The following SRSF11 variants were observed in gnomAD, a reference collection of about 807,000 sequenced individuals.
The protein encoded by SRSF11 is serine/arginine-rich splicing factor 11.
In SRSF11, 9 loss-of-function variants were observed where a neutral mutation model predicts 56.0. The ratio of observed to expected loss-of-function variants is 0.16; its 90% CI spans 0.10 to 0.28. SRSF11 has a LOEUF of 0.28. SRSF11 is among the 10% of genes least tolerant of loss of function. The pLI is 1.00. For missense variants in SRSF11, 421 were observed against 600.7 expected, an observed-to-expected ratio of 0.70 and a Z score of 3.13; for synonymous variants, 222 against 215.3, an observed-to-expected ratio of 1.03 and a Z score of -0.27.
At chr1:70,216,434 CTT>C (rs71921219), upstream of SRSF11, among the ~76,000 whole-genome samples, 820 of 141,448 alleles carry the variant, frequency 5.8e-3, 2 homozygotes, top group Middle Eastern at 0.018. Flanking sequence ...GGTTATTTAA[CTT>C]TTTTTTTTTT....
chr1:70,243,745 TAATTTTTA>T (rs1294194304), intron 7 of SRSF11, among the ~76,000 whole-genome samples: 3 of 152,230 alleles, frequency 2.0e-5, no homozygotes, highest in African/African-American at 7.2e-5. Context: ...AACTTATTTT[TAATTTTTA>T]AAATAGAAGA....
chr1:70,243,062 G>T (rs1207824868), intron 7 of SRSF11, among the ~76,000 whole-genome samples: 1 of 152,068 alleles, frequency 6.6e-6, no homozygotes, highest in African/African-American at 2.4e-5. Flanking sequence ...AACTCAAATA[G>T]TTTATTGAGG....
At chr1:70,224,665 CTATT>C (rs1040640458) in intron 1 of SRSF11, among the ~76,000 whole-genome samples, 82 of 152,252 alleles carry the variant, frequency 5.4e-4, no homozygotes, top group African/African-American at 1.9e-3. Context: ...TTAAGTCCAT[CTATT>C]TATTCCTTCT....
chr1:70,229,670 T>C lies in SRSF11; in HGVS notation c.337+1115T>C, dbSNP rs987478794. Reference sequence around the variant, plus strand: ...GGTCAGTGGAAGTGGAATCTTAATATTGTTCATTTTAGATGCTATCTGAAA... The same window carrying C: ...GGTCAGTGGAAGTGGAATCTTAATACTGTTCATTTTAGATGCTATCTGAAA... On this transcript the variant is annotated intron_variant, in intron 2 of 11. Coordinates refer to ENST00000370949, the MANE Select transcript of SRSF11 (RefSeq NM_001350605.2). 5.5e-5 allele frequency: 54 copies of C among 985,210 alleles called. 1 individual carries two copies. In the African/African-American group the frequency reaches 9.2e-4, roughly 17 times the overall value. The allele number at this position is 985,210 out of a possible 1,614,324, so 61.0% of individuals were successfully genotyped here. A position where few individuals can be genotyped will look rare whatever the true frequency, so the allele number is the denominator to read the frequency against.
At chr1:70,223,948 AC>A (rs1307089711) in intron 1 of SRSF11, among the ~76,000 whole-genome samples, 2 of 152,188 alleles carry the variant, frequency 1.3e-5, no homozygotes, top group African/African-American at 4.8e-5. Context: ...TCTGGGTTCC[AC>A]ATCCATGGAT....
rs1558192643 is a variant in SRSF11, at chr1:70,235,485, TG to T, written c.541-15del. 1 of 1,596,294 alleles carries T rather than the reference TG, an allele frequency of 6.3e-7. No homozygotes were observed. The highest frequency in any genetic ancestry group is 8.6e-7 in the Non-Finnish European group (1 of 1,169,556). ...GTTTTATGTATTCTCATTATTCTTA[TG>T]TTTTATTTTTACAGTCTCTTGCTGC... is the stretch of plus-strand genomic sequence containing the variant. On this transcript the variant is annotated splice_polypyrimidine_tract_variant and intron_variant, in intron 4 of 11. Transcript: ENST00000370949.
intron 1 of SRSF11, among the ~76,000 whole-genome samples, chr1:70,208,072 A>G (rs1669220251): frequency 6.6e-6 from 1 of 152,136 alleles, no homozygotes; most frequent in South Asian, 2.1e-4. Flanking sequence ...CACCCTGCCT[A>G]GTTCAATTTA....
At chr1:70,211,979 C>A (rs187935468) in intron 1 of SRSF11, among the ~76,000 whole-genome samples, 1 of 152,112 alleles carries the variant, frequency 6.6e-6, no homozygotes, top group African/African-American at 2.4e-5. Context: ...AAAATAATTA[C>A]TTGATCAATA....
At chr1:70,240,898 G>A (rs1362444596) in intron 7 of SRSF11, among the ~76,000 whole-genome samples, 3 of 149,886 alleles carry the variant, frequency 2.0e-5, no homozygotes, top group Non-Finnish European at 4.4e-5. Flanking sequence ...TCAGCCTCCC[G>A]AATAGCTGGG....
intron 9 of SRSF11, 96 bp from the exon 10 acceptor site, chr1:70,249,855 TG>T: frequency 7.6e-7 from 1 of 1,323,604 alleles, no homozygotes; most frequent in Non-Finnish European, 1.1e-6. Flanking sequence ...CCACTACATC[TG>T]GCCACATCTT....
intron 2 of SRSF11, chr1:70,231,752 TTGTA>T (rs1672888399): frequency 8.0e-7 from 1 of 1,246,952 alleles, no homozygotes; most frequent in Non-Finnish European, 1.0e-6. Context: ...TTTACAAAAT[TTGTA>T]TGGTAGGTGT....
chr1:70,232,151 A>T (rs1420463090), intron 2 of SRSF11, 117 bp from the exon 3 acceptor site: 1 of 1,569,348 alleles, frequency 6.4e-7, no homozygotes, highest in Non-Finnish European at 8.7e-7. Flanking sequence ...TATTTTAGCG[A>T]ACATAAGTAC....
At chr1:70,228,326 T>A (rs566746782) in intron 1 of SRSF11, 96 bp from the exon 2 acceptor site, 15 of 895,814 alleles carry the variant, frequency 1.7e-5, no homozygotes, top group Admixed American at 1.6e-4. Flanking sequence ...TAGGTTTTTT[T>A]AATCTGTTTT....
At chr1:70,238,778 T>A (rs185571829) in intron 6 of SRSF11, among the ~76,000 whole-genome samples, 23 of 152,166 alleles carry the variant, frequency 1.5e-4, no homozygotes, top group Non-Finnish European at 2.6e-4. Context: ...TTGTCAAGAG[T>A]AAATCAGAGC....
upstream of SRSF11, chr1:70,221,112 T>C (rs1670507371): frequency 6.5e-6 from 1 of 153,678 alleles, no homozygotes; most frequent in Non-Finnish European, 1.4e-5. Context: ...GAGCAGTATT[T>C]AATAAGAAGA....
intron 1 of SRSF11, among the ~76,000 whole-genome samples, chr1:70,210,164 T>C (rs1669432797): frequency 6.6e-6 from 1 of 150,768 alleles, no homozygotes; most frequent in Admixed American, 6.6e-5. Context: ...CCCGCCCCCC[T>C]TTTTTTTTCC....
chr1:70,225,972 C>T (rs977260953), intron 1 of SRSF11, among the ~76,000 whole-genome samples: 1 of 152,012 alleles, frequency 6.6e-6, no homozygotes, highest in Non-Finnish European at 1.5e-5. Context: ...GGGTGGATCA[C>T]CTGAGGTCAG....
At chr1:70,223,170 A>G (rs1272374269) in intron 1 of SRSF11, among the ~76,000 whole-genome samples, 2 of 152,236 alleles carry the variant, frequency 1.3e-5, no homozygotes, top group Non-Finnish European at 1.5e-5. Flanking sequence ...ATTAATGAAC[A>G]GTAAAATAGC....
chr1:70,230,216 G>A (rs1672584203), intron 2 of SRSF11: 1 of 984,472 alleles, frequency 1.0e-6, no homozygotes, highest in Non-Finnish European at 1.2e-6. Context: ...TGGAAGTGAA[G>A]TATTTAGGAA....
Sources: gnomAD v4.1 joint callset for allele counts (sites outside exome capture counted in the v4.1 genomes callset) on GRCh38, gnomAD v4.1.1 for gene constraint, MANE v1.5 for transcripts, NCBI Gene and HGNC (gene_info 2026-07-23, HGNC 2026-07-21) for gene names.